Variants in DSC3 observed in about 807,000 individuals in gnomAD.
The protein encoded by DSC3 is desmocollin-3.
In DSC3, 97 loss-of-function variants were observed where a neutral mutation model predicts 89.5. The ratio of observed to expected loss-of-function variants is 1.08; its 90% CI spans 0.92 to 1.28. The LOEUF (loss-of-function observed/expected upper bound fraction) is 1.28, where lower values mean the gene tolerates loss of function less well. Ranked by LOEUF, DSC3 falls within the 50% of genes most tolerant of loss-of-function variation. DSC3 has a pLI of 0.00. For synonymous variants in DSC3, 436 were observed against 384.1 expected (o/e 1.14, Z -1.58); for missense variants, 1,199 against 1,085.3 (o/e 1.10, Z -1.47).
At chr18:31,019,939 A>G (rs1985363629) in intron 7 of DSC3, among the ~76,000 whole-genome samples, 1 of 152,182 alleles carries the variant, frequency 6.6e-6, no homozygotes, top group African/African-American at 2.4e-5. Context: ...TTAAGAGAGA[A>G]TGATTTTCAG....
At position 31,031,107 on chromosome 18, in the gene DSC3, G is replaced by C. The variant is rs758690653; in HGVS notation, c.220C>G (p.Leu74Val). ...GCTGTGTACACTGACCCATCATTTA[G>C]AACTCTGAAATCAGGATCACTTGAC... ...IRSSDPDFRV[L>V]NDGSVYTARA... The change falls in exon 3 of 16, where the codon CTA becomes GTA. Residue 74 changes from leucine (L) to valine (V), a missense_variant. Transcript: ENST00000360428. The C allele has an allele frequency of 4.3e-6, 7 of 1,613,604 alleles. No homozygotes were observed. In the South Asian group the frequency reaches 7.7e-5, roughly 18 times the overall value.
At position 30,993,800 on chromosome 18, in the gene DSC3, CTTGT is replaced by C. The variant is rs1984356288; in HGVS notation, c.*371_*374del. On this transcript the variant is annotated 3_prime_UTR_variant, in exon 16 of 16. Coordinates refer to ENST00000360428, the MANE Select transcript of DSC3 (RefSeq NM_001941.5). ...CTTCACATAGTGATACTCAATATTT[CTTGT>C]TTATTTTTTAAACTATCACTTAAAG... The C allele has an allele frequency of 5.4e-6, 1 of 183,580 alleles. No homozygotes were observed. The highest frequency in any genetic ancestry group is 1.2e-5 in the Non-Finnish European group (1 of 86,952). The allele number at this position is 183,580 out of a possible 1,614,324, so 11.4% of individuals were successfully genotyped here. A position where few individuals can be genotyped will look rare whatever the true frequency, so the allele number is the denominator to read the frequency against.
intron 4 of DSC3, 129 bp downstream of exon 4, chr18:31,029,380 C>A: frequency 8.3e-7 from 1 of 1,203,286 alleles, no homozygotes. Context: ...TCTCATTTTA[C>A]TTTTGTTACA....
intron 7 of DSC3, among the ~76,000 whole-genome samples, chr18:31,021,769 A>T (rs1617054): frequency 3.3e-5 from 5 of 151,508 alleles, no homozygotes; most frequent in South Asian, 2.1e-4. Flanking sequence ...ATTTATAGAT[A>T]GGATATAACA....
chr18:30,992,524 AG>A lies in DSC3; in HGVS notation c.*1650del. 6.6e-6 allele frequency: 1 copy of A among 152,336 alleles called. No homozygotes were observed. Among genetic ancestry groups the A allele is most frequent in the Admixed American group, 6.5e-5 (1 of 15,308 alleles). 9.4% of individuals were successfully genotyped at this position (152,336 alleles called of 1,614,324 possible). Reference sequence around the variant, plus strand: ...GTTGCCATTGGCCTGAGAAAGGAAAAGGCAGTGCCAAGCCTAGGAAAAAGTA... The same window carrying A: ...GTTGCCATTGGCCTGAGAAAGGAAAAGCAGTGCCAAGCCTAGGAAAAAGTA... On this transcript the variant is annotated 3_prime_UTR_variant, in exon 16 of 16. Transcript: ENST00000360428.
rs1292151553 is a variant in DSC3, at chr18:31,031,123, A to G, written c.204T>C (p.Asp68=). ...FRSADLIRSS[D]PDFRVLNDGS... is the part of the protein sequence containing the mutation. ...CATCATTTAGAACTCTGAAATCAGGATCACTTGACCGGATGAGGTCTGCAG... is the reference window on the plus strand; with the variant it reads ...CATCATTTAGAACTCTGAAATCAGGGTCACTTGACCGGATGAGGTCTGCAG... Residue 68 remains aspartate (D), a synonymous_variant, in exon 3 of 16, where the codon GAT becomes GAC. Coordinates refer to ENST00000360428, the MANE Select transcript of DSC3 (RefSeq NM_001941.5). 1 of 1,613,616 alleles carries G rather than the reference A, an allele frequency of 6.2e-7. No individual in the cohort carries two copies. Among genetic ancestry groups the G allele is most frequent in the East Asian group, 2.2e-5 (1 of 44,854 alleles).
rs187043847 is a variant in DSC3, at chr18:30,993,790, C to G, written c.*385G>C. ...CCAAAACTTTCTTCACATAGTGATA[C>G]TCAATATTTCTTGTTTATTTTTTAA... On this transcript the variant is annotated 3_prime_UTR_variant, in exon 16 of 16. Coordinates refer to ENST00000360428, the MANE Select transcript of DSC3 (RefSeq NM_001941.5). The G allele has an allele frequency of 1.1e-5, 2 of 180,558 alleles. No individual in the cohort carries two copies. Among genetic ancestry groups the G allele is most frequent in the South Asian group, 2.2e-4 (2 of 9,226 alleles). The allele number at this position is 180,558 out of a possible 1,614,324, so 11.2% of individuals were successfully genotyped here.
intron 9 of DSC3, among the ~76,000 whole-genome samples, chr18:31,011,541 C>T (rs1291183342): frequency 6.6e-6 from 1 of 152,104 alleles, no homozygotes; most frequent in East Asian, 1.9e-4. Flanking sequence ...AGGAGGATTC[C>T]TTTAGAGTTA....
chr18:31,042,580 G>C lies in DSC3; in HGVS notation c.69+12C>G, dbSNP rs767792922. The stretch of plus-strand genomic sequence containing the variant: ...TCCCCACCCCAGCCCTATCCGGCGA[G>C]ATCTGGCTTACCACGAGGGTCAGCA... On this transcript the variant is annotated intron_variant, in intron 1 of 15. Transcript: ENST00000360428. 3 of 1,550,302 alleles carry C rather than the reference G, an allele frequency of 1.9e-6. No homozygotes were observed. Among genetic ancestry groups the C allele is most frequent in the Non-Finnish European group, 8.7e-7 (1 of 1,146,732 alleles).
chr18:31,015,414 C>A (rs997786802), intron 9 of DSC3, among the ~76,000 whole-genome samples: 13 of 152,030 alleles, frequency 8.6e-5, no homozygotes, highest in African/African-American at 3.1e-4. Flanking sequence ...CCTCTATGGT[C>A]AGAACTCCTT....
chr18:30,999,413 A>C (rs1555632208), intron 14 of DSC3, among the ~76,000 whole-genome samples: 1 of 151,896 alleles, frequency 6.6e-6, no homozygotes, highest in Non-Finnish European at 1.5e-5. Context: ...TTTTTTATTT[A>C]AGTTGCCATT....
intron 12 of DSC3, among the ~76,000 whole-genome samples, chr18:31,006,108 C>A (rs961700238): frequency 7.2e-5 from 11 of 152,090 alleles, no homozygotes; most frequent in Non-Finnish European, 1.6e-4. Flanking sequence ...TGACAGCCCC[C>A]AGAAACTGCT....
At chr18:31,037,436 G>C (rs116465993) in intron 1 of DSC3, among the ~76,000 whole-genome samples, 1,804 of 152,182 alleles carry the variant, frequency 0.012, 39 homozygotes, top group African/African-American at 0.04. Context: ...TGCTTGTTAG[G>C]ACCTCTTCTG....
intron 9 of DSC3, among the ~76,000 whole-genome samples, chr18:31,013,262 A>G (rs1033760335): frequency 1.3e-5 from 2 of 152,202 alleles, no homozygotes; most frequent in Non-Finnish European, 2.9e-5. Flanking sequence ...ATTGGAACAG[A>G]TACAAAAACT....
In DSC3 at chr18:30,992,661, G is replaced by A. The variant is rs1275189347; in HGVS notation, c.*1514C>T. 1.3e-5 allele frequency: 2 copies of A among 152,080 alleles called. No individual in the cohort carries two copies. Among genetic ancestry groups the A allele is most frequent in the African/African-American group, 4.8e-5 (2 of 41,390 alleles). The allele number at this position is 152,080 out of a possible 1,614,324, so 9.4% of individuals were successfully genotyped here. A position where few individuals can be genotyped will look rare whatever the true frequency, so the allele number is the denominator to read the frequency against. ...TCTGACTGTACAAATAACCTACTTG[G>A]GCTGCTTTCTCCCAAAGTTCCCTCT... On this transcript the variant is annotated 3_prime_UTR_variant, in exon 16 of 16. Coordinates refer to ENST00000360428, the MANE Select transcript of DSC3 (RefSeq NM_001941.5).
intron 4 of DSC3, among the ~76,000 whole-genome samples, chr18:31,028,983 C>T (rs1027564838): frequency 2.6e-5 from 4 of 152,042 alleles, no homozygotes; most frequent in African/African-American, 9.7e-5. Flanking sequence ...AATTATTTAC[C>T]TGCAGAAAAA....
intron 13 of DSC3, 85 bp from the exon 14 acceptor site, chr18:31,001,824 T>C: frequency 8.8e-7 from 1 of 1,136,466 alleles, no homozygotes; most frequent in Non-Finnish European, 1.2e-6. Flanking sequence ...GACCTAAGGA[T>C]CAAAGTGGAA....
chr18:31,027,475 C>T (rs954975283), intron 4 of DSC3, among the ~76,000 whole-genome samples: 3 of 151,546 alleles, frequency 2.0e-5, no homozygotes, highest in African/African-American at 7.3e-5. Flanking sequence ...TTCCTTCCTT[C>T]CTTCCTTCCT....
At position 31,042,307 on chromosome 18, in the gene DSC3, G is replaced by T. The variant is rs369026955; in HGVS notation, c.69+285C>A. The stretch of plus-strand genomic sequence containing the variant: ...TGAATCCCAACCCCCTGCCCAACCC[G>T]CGACGGCGCCCGCCAGAGCGCAGCG... On this transcript the variant is annotated intron_variant, in intron 1 of 15. Transcript: ENST00000360428. Among the ~76,000 whole-genome samples the T allele has an allele frequency of 7.7e-4, 117 of 152,254 alleles. 1 individual carries two copies. Among genetic ancestry groups the T allele is most frequent in the African/African-American group, 2.6e-3 (108 of 41,554 alleles).
Sources: allele counts gnomAD v4.1 joint callset (sites outside exome capture counted in the v4.1 genomes callset), GRCh38; gene constraint gnomAD v4.1.1; transcripts MANE v1.5; gene names NCBI Gene and HGNC (gene_info 2026-07-23, HGNC 2026-07-21).